Variants in TMED3 observed in about 807,000 individuals in gnomAD.
TMED3 encodes the protein transmembrane p24 trafficking protein 3.
In TMED3, 9 loss-of-function variants were observed where a neutral mutation model predicts 15.0. The observed-to-expected ratio is 0.60, with a 90% CI of 0.36 to 1.04. The LOEUF is 1.04. Among genes scored for constraint, TMED3 ranks in the 50% least tolerant of loss-of-function variants. The pLI is 0.01. For synonymous variants in TMED3, 117 were observed against 121.4 expected (o/e 0.96, Z 0.24); for missense variants, 267 against 278.9 (o/e 0.96, Z 0.30).
In TMED3 at chr15:79,385,331, AG is replaced by A. The variant is rs573812899; in HGVS notation, c.418-26063del. ...GAGAGGTCCGCACCTACCCCTAGGAAGGGGGGCAGAATCCAGGGAGCTGATT... is the reference window on the plus strand; with the variant it reads ...GAGAGGTCCGCACCTACCCCTAGGAAGGGGGCAGAATCCAGGGAGCTGATT... On this transcript the variant is annotated intron_variant, in intron 2 of 2. Coordinates refer to the TMED3 transcript ENST00000424155. Among the ~76,000 whole-genome samples the A allele has an allele frequency of 4.6e-5, 7 of 152,128 alleles. No individual in the cohort carries two copies. The South Asian group carries it at 1.4e-3, about 31-fold the overall frequency.
In TMED3 at chr15:79,382,689, T is replaced by G. The variant is rs1393319723; in HGVS notation, c.418-28711T>G. Among the ~76,000 whole-genome samples, 3 of 152,164 alleles carry G rather than the reference T, an allele frequency of 2.0e-5. No individual in the cohort carries two copies. The East Asian group carries it at 5.8e-4, about 29-fold the overall frequency. ...CCCTCTAAACTCCTGGCTGGAAACC[T>G]TAATCCCTTTCTCTATGTCCTCCAC... On this transcript the variant is annotated intron_variant, in intron 2 of 2. Coordinates refer to the TMED3 transcript ENST00000424155.
chr15:79,380,437 GT>G (rs1893504856), intron 2 of TMED3, among the ~76,000 whole-genome samples: 1 of 141,566 alleles, frequency 7.1e-6, no homozygotes, highest in South Asian at 2.1e-4. Context: ...TATATATATA[GT>G]TATATATAGT....
chr15:79,395,051 ATCTTTTCAT>A (rs72093555), intron 2 of TMED3, among the ~76,000 whole-genome samples: 1,537 of 152,144 alleles, frequency 0.01, 26 homozygotes, highest in African/African-American at 0.034. Flanking sequence ...ATTTCTCTCT[ATCTTTTCAT>A]TCTTTTCTAC....
chr15:79,329,243 A>G (rs1029905605), intron 2 of TMED3, among the ~76,000 whole-genome samples: 3 of 152,154 alleles, frequency 2.0e-5, no homozygotes, highest in East Asian at 3.8e-4. Context: ...GCCCTTCTCA[A>G]TACACATCAC....
intron 2 of TMED3, among the ~76,000 whole-genome samples, chr15:79,367,351 G>C (rs185848895): frequency 2.6e-5 from 4 of 152,298 alleles, no homozygotes; most frequent in Admixed American, 2.6e-4. Flanking sequence ...ATCCACACTG[G>C]GTTTGCAGTG....
At chr15:79,336,314 T>C (rs1402927309) in intron 2 of TMED3, among the ~76,000 whole-genome samples, 6 of 152,152 alleles carry the variant, frequency 3.9e-5, no homozygotes, top group African/African-American at 1.4e-4. Context: ...AGGCCCCCAC[T>C]GGCTGGCTAG....
chr15:79,383,593 T>C (rs1893576191), intron 2 of TMED3: 1 of 152,610 alleles, frequency 6.6e-6, no homozygotes. Context: ...CCCGCAACGA[T>C]GTGTGACAAT....
intron 2 of TMED3, among the ~76,000 whole-genome samples, chr15:79,337,128 G>A (rs952497800): frequency 6.6e-6 from 1 of 152,228 alleles, no homozygotes; most frequent in Non-Finnish European, 1.5e-5. Flanking sequence ...GTGTCCAACA[G>A]TCTGGGTGGC....
At chr15:79,318,412 G>C (rs1955966417) in intron 2 of TMED3, among the ~76,000 whole-genome samples, 1 of 152,192 alleles carries the variant, frequency 6.6e-6, no homozygotes, top group African/African-American at 2.4e-5. Flanking sequence ...GGAATTAGTG[G>C]AAGTGTGAGC....
chr15:79,364,282 G>A (rs1261585087), intron 2 of TMED3, among the ~76,000 whole-genome samples: 1 of 152,068 alleles, frequency 6.6e-6, no homozygotes, highest in Non-Finnish European at 1.5e-5. Flanking sequence ...AGTCCCCTGC[G>A]GGCATGTTTA....
rs534677106 is a variant in TMED3 at position 79,391,601 on chromosome 15, A to G, written c.418-19799A>G. The stretch of plus-strand genomic sequence containing the variant: ...TTGTCAAGCCCATTTGTTCAAGGGT[A>G]TAATTTAAATCCATTGTTTCTTTGT... On this transcript the variant is annotated intron_variant, in intron 2 of 2. Coordinates refer to the TMED3 transcript ENST00000424155. 8.5e-5 allele frequency among the ~76,000 whole-genome samples: 13 copies of G among 152,314 alleles called. No individual in the cohort carries two copies. The South Asian group carries it at 2.7e-3, about 32-fold the overall frequency.
chr15:79,339,027 G>A (rs2058839060), intron 2 of TMED3, among the ~76,000 whole-genome samples: 1 of 152,188 alleles, frequency 6.6e-6, no homozygotes, highest in Admixed American at 6.5e-5. Context: ...CTGTGATGCT[G>A]TGCTTCAGTG....
chr15:79,317,385 G>A (rs2058745252), intron 2 of TMED3, among the ~76,000 whole-genome samples: 1 of 152,190 alleles, frequency 6.6e-6, no homozygotes. Context: ...CTGGGAGAAG[G>A]CTGGAGATGC....
At chr15:79,351,020 G>A (rs2058889389) in intron 2 of TMED3, among the ~76,000 whole-genome samples, 1 of 152,208 alleles carries the variant, frequency 6.6e-6, no homozygotes, top group African/African-American at 2.4e-5. Context: ...TGTGTGACAA[G>A]TGTGCTGTAA....
At chr15:79,380,737 C>G (rs1029167961) in intron 2 of TMED3, among the ~76,000 whole-genome samples, 5 of 151,882 alleles carry the variant, frequency 3.3e-5, no homozygotes, top group African/African-American at 1.2e-4. Flanking sequence ...TACAATATAT[C>G]CAAATTCAGA....
rs1370241330 is a variant in TMED3, at chr15:79,311,178, G to C, written c.-72G>C. ...CCTTACATCCTCCTAGGACCCGGTCGGTAGTCGTCGCCCCAGCCCGCCGGG... is the reference window on the plus strand; with the variant it reads ...CCTTACATCCTCCTAGGACCCGGTCCGTAGTCGTCGCCCCAGCCCGCCGGG... On this transcript the variant is annotated 5_prime_UTR_variant, in exon 1 of 3. Coordinates refer to ENST00000299705, the MANE Select transcript of TMED3 (RefSeq NM_007364.4). The C allele has an allele frequency of 1.3e-6, 2 of 1,490,758 alleles. No homozygotes were observed. The highest frequency in any genetic ancestry group is 8.9e-7 in the Non-Finnish European group (1 of 1,119,948). The allele number at this position is 1,490,758 out of a possible 1,614,324, so 92.3% of individuals were successfully genotyped here. A position where few individuals can be genotyped will look rare whatever the true frequency, so the allele number is the denominator to read the frequency against.
At chr15:79,311,519 C>G in intron 1 of TMED3, 102 bp downstream of exon 1, 2 of 1,389,236 alleles carry the variant, frequency 1.4e-6, no homozygotes, top group South Asian at 2.9e-5. Flanking sequence ...TAGCCACAGG[C>G]TACAGGGAGG....
intron 2 of TMED3, among the ~76,000 whole-genome samples, chr15:79,375,075 A>G (rs60442930): frequency 0.033 from 5,017 of 152,280 alleles, 265 homozygotes; most frequent in African/African-American, 0.11. Context: ...GAATTCCATA[A>G]AGTCCTGAAA....
intron 2 of TMED3, among the ~76,000 whole-genome samples, chr15:79,330,145 T>G (rs2058802777): frequency 6.6e-6 from 1 of 152,188 alleles, no homozygotes; most frequent in Admixed American, 6.5e-5. Context: ...AGGACAAGGA[T>G]GCCCACTCTT....
Sources: gnomAD v4.1 joint callset for allele counts (sites outside exome capture counted in the v4.1 genomes callset) on GRCh38, gnomAD v4.1.1 for gene constraint, MANE v1.5 for transcripts, NCBI Gene and HGNC (gene_info 2026-07-23, HGNC 2026-07-21) for gene names.